Variants in KDM1A observed in about 807,000 individuals in gnomAD.
KDM1A encodes the protein lysine demethylase 1A, also known as lysine-specific histone demethylase 1A.
Under a neutral mutation model 109.4 loss-of-function variants are expected in KDM1A, and 49 were observed. The ratio of observed to expected loss-of-function variants is 0.45; its 90% CI spans 0.36 to 0.57. KDM1A has a LOEUF of 0.57. KDM1A is among the 20% of genes least tolerant of loss of function. KDM1A has a pLI of 0.00. For synonymous variants in KDM1A, 380 were observed against 415.4 expected, an observed-to-expected ratio of 0.91 and a Z score of 1.04; for missense variants, 668 against 1,116.6, an observed-to-expected ratio of 0.60 and a Z score of 5.73.
chr1:23,043,865 G>A (rs538363134), intron 2 of KDM1A, among the ~76,000 whole-genome samples: 1 of 152,176 alleles, frequency 6.6e-6, no homozygotes, highest in Non-Finnish European at 1.5e-5. Flanking sequence ...CTTATTGTGT[G>A]TTCTTTAGTT....
chr1:23,074,184 G>T (rs1643399010), intron 15 of KDM1A, among the ~76,000 whole-genome samples: 1 of 152,130 alleles, frequency 6.6e-6, no homozygotes, highest in African/African-American at 2.4e-5. Flanking sequence ...GCATTTCCCT[G>T]ATGACTAGTG....
At chr1:23,071,391 A>T (rs188091454) in intron 13 of KDM1A, 32 bp downstream of exon 13, 6 of 1,563,318 alleles carry the variant, frequency 3.8e-6, no homozygotes, top group Non-Finnish European at 5.2e-6. Context: ...AACTGGTTTT[A>T]CTTGGAATCC....
intron 2 of KDM1A, among the ~76,000 whole-genome samples, chr1:23,031,742 A>G (rs989580107): frequency 1.2e-4 from 18 of 152,214 alleles, no homozygotes; most frequent in African/African-American, 4.1e-4. Flanking sequence ...TAGGATTGTA[A>G]TAAAGTGTAC....
chr1:23,024,222 T>C (rs1195835264), intron 1 of KDM1A, among the ~76,000 whole-genome samples: 1 of 152,146 alleles, frequency 6.6e-6, no homozygotes, highest in Non-Finnish European at 1.5e-5. Context: ...AATCCCCCAT[T>C]GTAATTAGCT....
intron 1 of KDM1A, among the ~76,000 whole-genome samples, chr1:23,024,762 G>GT (rs1196333214): frequency 2.0e-5 from 3 of 152,226 alleles, no homozygotes; most frequent in African/African-American, 7.2e-5. Flanking sequence ...ACTTTTTGGA[G>GT]TTTAAGTATT....
intron 3 of KDM1A, among the ~76,000 whole-genome samples, chr1:23,049,819 G>A (rs778643881): frequency 2.6e-5 from 4 of 152,126 alleles, no homozygotes; most frequent in Non-Finnish European, 5.9e-5. Flanking sequence ...GTTTCTGCCA[G>A]CAAATGTAAA....
intron 10 of KDM1A, among the ~76,000 whole-genome samples, chr1:23,067,525 G>T (rs763983569): frequency 6.6e-6 from 1 of 152,172 alleles, no homozygotes; most frequent in Non-Finnish European, 1.5e-5. Flanking sequence ...ATTGTAAAAG[G>T]TCGCTCCTCC....
At chr1:23,044,387 A>G (rs1642443099) in intron 2 of KDM1A, 40 bp from the exon 3 acceptor site, 1 of 1,583,622 alleles carries the variant, frequency 6.3e-7, no homozygotes, top group African/African-American at 1.3e-5. Context: ...ATCCTAATTT[A>G]TGGAGTAAGG....
intron 1 of KDM1A, among the ~76,000 whole-genome samples, chr1:23,023,197 T>C (rs1396039625): frequency 6.6e-6 from 1 of 152,234 alleles, no homozygotes; most frequent in African/African-American, 2.4e-5. Context: ...TCTTTACATA[T>C]TCTGGTTACG....
chr1:23,066,095 A>G (rs1186215289), intron 10 of KDM1A, 24 bp downstream of exon 10: 2 of 1,493,172 alleles, frequency 1.3e-6, no homozygotes, highest in South Asian at 2.3e-5. Context: ...AATTTTTCAA[A>G]TCATTTTCCT....
chr1:23,036,087 T>A (rs1239643702), intron 2 of KDM1A, among the ~76,000 whole-genome samples: 1 of 152,234 alleles, frequency 6.6e-6, no homozygotes, highest in East Asian at 1.9e-4. Context: ...TTGTTTTTTT[T>A]TAATCATGCT....
At chr1:23,049,400 A>G (rs1642596646) in intron 3 of KDM1A, among the ~76,000 whole-genome samples, 1 of 152,094 alleles carries the variant, frequency 6.6e-6, no homozygotes, top group Non-Finnish European at 1.5e-5. Context: ...CTATCAAGAC[A>G]ATACCCAATT....
chr1:23,062,053 TAA>T (rs1439535940), intron 9 of KDM1A, among the ~76,000 whole-genome samples: 4 of 152,224 alleles, frequency 2.6e-5, no homozygotes, highest in Non-Finnish European at 4.4e-5. Context: ...TTTAGAAATC[TAA>T]AGAGATAGGT....
intron 3 of KDM1A, among the ~76,000 whole-genome samples, chr1:23,048,156 T>TC (rs1642557082): frequency 6.6e-6 from 1 of 152,124 alleles, no homozygotes; most frequent in Admixed American, 6.5e-5. Flanking sequence ...TACCAAGAAT[T>TC]GACCTATTTA....
chr1:23,072,226 G>A, intron 14 of KDM1A, 29 bp downstream of exon 14: 1 of 1,513,132 alleles, frequency 6.6e-7, no homozygotes, highest in Non-Finnish European at 9.1e-7. Context: ...AAAGTTCAGA[G>A]GGAGAGCTTT....
chr1:23,067,155 T>C (rs1258416065), intron 10 of KDM1A, among the ~76,000 whole-genome samples: 1 of 152,206 alleles, frequency 6.6e-6, no homozygotes, highest in Admixed American at 6.5e-5. Flanking sequence ...TTTTAGAGAT[T>C]TAGATTTTCT....
intron 1 of KDM1A, among the ~76,000 whole-genome samples, chr1:23,023,990 C>T (rs576918590): frequency 1.4e-4 from 22 of 152,246 alleles, no homozygotes; most frequent in Non-Finnish European, 2.5e-4. Flanking sequence ...GCTGGGACTA[C>T]AGCTGTACAC....
chr1:23,073,417 ATTGT>A lies in KDM1A; in HGVS notation c.1734+17_1734+20del, dbSNP rs781072555. The stretch of plus-strand genomic sequence containing the variant: ...CACTGGGATCAGGTAAGTTTCCCTT[ATTGT>A]TTATTTTATTGCACATGCCTTTGAG... On this transcript the variant is annotated intron_variant, in intron 15 of 20. Transcript: ENST00000400181. 1.6e-5 allele frequency: 22 copies of A among 1,403,282 alleles called. No homozygotes were observed. The highest frequency in any genetic ancestry group is 3.5e-4 in the Middle Eastern group (2 of 5,730). The allele number at this position is 1,403,282 out of a possible 1,614,324, so 86.9% of individuals were successfully genotyped here.
At position 23,019,966 on chromosome 1, in the gene KDM1A, C is replaced by T. The variant is rs960318809; in HGVS notation, c.351+19C>T. On this transcript the variant is annotated intron_variant, in intron 1 of 20. Transcript: ENST00000400181. ...GGCGAAGGTAAGGCTCGACCCTTCC[C>T]TCAAACGACACCGCCTGGTGCCGAG... 1 of 1,504,516 alleles carries T rather than the reference C, an allele frequency of 6.6e-7. No individual in the cohort carries two copies. The highest frequency in any genetic ancestry group is 1.3e-5 in the South Asian group (1 of 77,796). 93.2% of individuals were successfully genotyped at this position (1,504,516 alleles called of 1,614,324 possible). A position where few individuals can be genotyped will look rare whatever the true frequency, so the allele number is the denominator to read the frequency against.
Sources: allele counts gnomAD v4.1 joint callset (sites outside exome capture counted in the v4.1 genomes callset), GRCh38; gene constraint gnomAD v4.1.1; transcripts MANE v1.5; gene names NCBI Gene and HGNC (gene_info 2026-07-23, HGNC 2026-07-21).